NUBPL: variants seen among roughly 807,000 people sequenced by gnomAD.
NUBPL encodes iron-sulfur cluster transfer protein NUBPL.
Under a neutral mutation model 45.7 loss-of-function variants are expected in NUBPL, and 31 were observed. That is an observed-to-expected ratio of 0.68 (90% CI 0.51 to 0.92). The LOEUF is 0.92. Ranked by LOEUF, NUBPL falls within the 40% of genes least tolerant of loss-of-function variation. The pLI, the probability that NUBPL is intolerant of heterozygous loss-of-function variation, is 0.00. For synonymous variants in NUBPL, 144 were observed against 140.9 expected (o/e 1.02, Z -0.15); for missense variants, 401 against 398.7 (o/e 1.01, Z -0.05).
At chr14:31,604,179 G>GA (rs34844125) in intron 4 of NUBPL, among the ~76,000 whole-genome samples, 9,359 of 121,844 alleles carry the variant, frequency 0.077, 395 homozygotes, top group Non-Finnish European at 0.1. Context: ...TGGAAAGGCT[G>GA]AAAAAAAAAA....
intron 4 of NUBPL, among the ~76,000 whole-genome samples, chr14:31,662,947 G>T (rs977014953): frequency 6.6e-6 from 1 of 152,196 alleles, no homozygotes; most frequent in African/African-American, 2.4e-5. Flanking sequence ...ACTCACATGA[G>T]ATGCTATCTC....
intron 3 of NUBPL, among the ~76,000 whole-genome samples, chr14:31,582,521 G>A (rs749369936): frequency 6.6e-6 from 1 of 151,822 alleles, no homozygotes; most frequent in Non-Finnish European, 1.5e-5. Context: ...GGAAATATTT[G>A]GAACAAGAGG....
chr14:31,663,253 A>G (rs1409602087), intron 4 of NUBPL, among the ~76,000 whole-genome samples: 2 of 151,980 alleles, frequency 1.3e-5, no homozygotes, highest in African/African-American at 4.8e-5. Context: ...ATTAGATCCC[A>G]TTTGTCAATT....
chr14:31,651,159 G>A (rs752304951), intron 4 of NUBPL, among the ~76,000 whole-genome samples: 7 of 152,078 alleles, frequency 4.6e-5, no homozygotes, highest in African/African-American at 1.7e-4. Flanking sequence ...TTGAGACAGA[G>A]TCTTGCTATG....
At chr14:31,573,348 C>T (rs2033638483) in intron 3 of NUBPL, among the ~76,000 whole-genome samples, 1 of 152,118 alleles carries the variant, frequency 6.6e-6, no homozygotes, top group Non-Finnish European at 1.5e-5. Flanking sequence ...CAGCTTTTCC[C>T]ACTGCTCTGG....
intron 8 of NUBPL, among the ~76,000 whole-genome samples, chr14:31,837,208 C>T (rs376404920): frequency 4.9e-4 from 75 of 152,210 alleles, no homozygotes; most frequent in African/African-American, 1.7e-3. Flanking sequence ...GTAGTCTCAG[C>T]TACTTAGGAG....
At chr14:31,807,323 G>A (rs1482744183) in intron 7 of NUBPL, among the ~76,000 whole-genome samples, 1 of 152,094 alleles carries the variant, frequency 6.6e-6, no homozygotes, top group African/African-American at 2.4e-5. Context: ...TCTAACTGGT[G>A]TGAGGTGGTA....
intron 3 of NUBPL, among the ~76,000 whole-genome samples, chr14:31,583,295 T>C (rs1265203052): frequency 6.6e-6 from 1 of 152,170 alleles, no homozygotes; most frequent in Non-Finnish European, 1.5e-5. Flanking sequence ...TTTTAGCTCT[T>C]GCAGAGTTGG....
chr14:31,780,661 CTTAA>C (rs2039177294), intron 6 of NUBPL, among the ~76,000 whole-genome samples: 1 of 152,176 alleles, frequency 6.6e-6, no homozygotes, highest in Non-Finnish European at 1.5e-5. Flanking sequence ...TTTTCTCAGT[CTTAA>C]TTAATAATTT....
Position 31,561,480 on chromosome 14 carries a change from C to T in NUBPL, c.41C>T (p.Ser14Leu), listed in dbSNP as rs1452065295. ...WQRLLLFGGV[S>L]LRAGGGATAP... ...CGTCTGCTGCTTTTTGGTGGGGTGT[C>T]GCTCCGGGCTGGTGGCGGGGCCACT... Residue 14 changes from serine to leucine, a missense_variant, in exon 1 of 11, where the codon TCG becomes TTG. Ser to Leu is a moderately radical substitution (Grantham distance 145, BLOSUM62 -2). Coordinates refer to ENST00000281081, the MANE Select transcript of NUBPL (RefSeq NM_025152.3). 3.5e-6 allele frequency: 5 copies of T among 1,409,830 alleles called. No individual in the cohort carries two copies. The African/African-American group carries it at 5.9e-5, about 17-fold the overall frequency. The allele number at this position is 1,409,830 out of a possible 1,614,324, so 87.3% of individuals were successfully genotyped here.
chr14:31,572,418 C>T (rs2033612029), intron 3 of NUBPL, among the ~76,000 whole-genome samples: 1 of 152,238 alleles, frequency 6.6e-6, no homozygotes, highest in African/African-American at 2.4e-5. Flanking sequence ...GGATTACCGG[C>T]GTGAGCCACT....
chr14:31,633,823 C>T, intron 4 of NUBPL, among the ~76,000 whole-genome samples: 1 of 152,102 alleles, frequency 6.6e-6, no homozygotes, highest in East Asian at 1.9e-4. Context: ...TATTTGCACA[C>T]TGTGATGAGC....
chr14:31,613,742 C>T (rs1357618053), intron 4 of NUBPL, among the ~76,000 whole-genome samples: 1 of 152,096 alleles, frequency 6.6e-6, no homozygotes, highest in Non-Finnish European at 1.5e-5. Flanking sequence ...AGGTGTGAGC[C>T]ACTGCGCCCG....
At chr14:31,829,031 C>G (rs75509166) in intron 8 of NUBPL, among the ~76,000 whole-genome samples, 17 of 152,178 alleles carry the variant, frequency 1.1e-4, no homozygotes, top group African/African-American at 3.6e-4. Flanking sequence ...CTTCAGGGAT[C>G]AGTTAGAAGG....
At chr14:31,826,974 A>G (rs2138969134) in intron 8 of NUBPL, among the ~76,000 whole-genome samples, 1 of 152,340 alleles carries the variant, frequency 6.6e-6, no homozygotes, top group South Asian at 2.1e-4. Flanking sequence ...ACTTGCAGCT[A>G]TCACTGACAA....
intron 10 of NUBPL, among the ~76,000 whole-genome samples, chr14:31,858,589 AT>A (rs1037259214): frequency 1.3e-5 from 2 of 152,010 alleles, no homozygotes; most frequent in South Asian, 4.2e-4. Context: ...TGGAACTAGG[AT>A]TTTTTGCATG....
intron 4 of NUBPL, among the ~76,000 whole-genome samples, chr14:31,649,401 A>G (rs1400660851): frequency 1.3e-5 from 2 of 152,214 alleles, no homozygotes; most frequent in Non-Finnish European, 2.9e-5. Context: ...CTGGTTTATA[A>G]TTGAAGATAA....
rs376200189 is a variant in NUBPL at position 31,566,621 on chromosome 14, A to G, written c.291+1573A>G. Among the ~76,000 whole-genome samples, 22 of 152,162 alleles carry G rather than the reference A, an allele frequency of 1.4e-4. No homozygotes were observed. The East Asian group carries it at 3.5e-3, about 24-fold the overall frequency. On this transcript the variant is annotated intron_variant, in intron 3 of 10. Transcript: ENST00000281081. ...GCCTGCCAAAAGTGTCCACATCCTA[A>G]TTCCTGGAACCTGTAAATATGTTAC...
At chr14:31,617,942 C>T (rs1419132123) in intron 4 of NUBPL, among the ~76,000 whole-genome samples, 1 of 152,122 alleles carries the variant, frequency 6.6e-6, no homozygotes, top group Non-Finnish European at 1.5e-5. Flanking sequence ...TAATTACTGC[C>T]TCAATTTCAG....
Sources: gnomAD v4.1 joint callset for allele counts (sites outside exome capture counted in the v4.1 genomes callset) on GRCh38, gnomAD v4.1.1 for gene constraint, MANE v1.5 for transcripts, NCBI Gene and HGNC (gene_info 2026-07-23, HGNC 2026-07-21) for gene names.